Variants in MVB12B observed in about 807,000 individuals in gnomAD.
MVB12B encodes the protein ESCRT-I complex subunit MVB12B.
A neutral mutation model predicts 41.6 loss-of-function variants in MVB12B; 16 were observed. The observed-to-expected ratio is 0.38, with a 90% CI of 0.26 to 0.58. MVB12B has a LOEUF of 0.58. Among genes scored for constraint, MVB12B ranks in the 20% least tolerant of loss-of-function variants. MVB12B has a pLI of 0.62. For missense variants in MVB12B, 274 were observed against 380.2 expected (o/e 0.72, Z 2.32); for synonymous variants, 133 against 139.7 (o/e 0.95, Z 0.34).
chr9:126,356,818 C>T (rs1829893362), intron 2 of MVB12B, among the ~76,000 whole-genome samples: 1 of 152,000 alleles, frequency 6.6e-6, no homozygotes, highest in Admixed American at 6.6e-5. Context: ...TCTCTCACTG[C>T]TGCTCCTGCT....
Position 126,468,858 on chromosome 9 carries a change from T to C in MVB12B, c.758-12511T>C, listed in dbSNP as rs1218000692. 6.6e-6 allele frequency among the ~76,000 whole-genome samples: 1 copy of C among 152,246 alleles called. No individual in the cohort carries two copies. Among genetic ancestry groups the C allele is most frequent in the Non-Finnish European group, 1.5e-5 (1 of 68,054 alleles). ...ATCAGGACTCCTGGCAGGCTGGTTC[T>C]TGGTTGTCTCTGGACCCTACTTCTA... is the stretch of plus-strand genomic sequence containing the variant. On this transcript the variant is annotated intron_variant, in intron 7 of 9. Transcript: ENST00000361171. The surrounding 1 kb of genome is among the most constrained non-coding windows in gnomAD (Gnocchi z 4.3).
At chr9:126,420,496 G>A (rs1047671089) in intron 6 of MVB12B, among the ~76,000 whole-genome samples, 1 of 150,724 alleles carries the variant, frequency 6.6e-6, no homozygotes, top group Non-Finnish European at 1.5e-5. Context: ...GGCTCCTTCC[G>A]GTTCCAGCTC....
At chr9:126,441,678 C>A (rs537298467) in intron 7 of MVB12B, among the ~76,000 whole-genome samples, 1 of 152,052 alleles carries the variant, frequency 6.6e-6, no homozygotes, top group African/African-American at 2.4e-5. Context: ...TGAGGATTAT[C>A]TTAATTACAA....
Position 126,453,187 on chromosome 9 carries a change from C to T in MVB12B, c.758-28182C>T, listed in dbSNP as rs183578894. 5.4e-4 allele frequency among the ~76,000 whole-genome samples: 82 copies of T among 152,282 alleles called. No individual in the cohort carries two copies. The East Asian group carries it at 0.011, about 21-fold the overall frequency. On this transcript the variant is annotated intron_variant, in intron 7 of 9. Transcript: ENST00000361171. ...AAAATCCCTATTTCTTCAAGTTCAG[C>T]GGGTTTTTAGTGAGCATCTATTTTT...
chr9:126,447,572 G>A (rs891527777), intron 7 of MVB12B, among the ~76,000 whole-genome samples: 1 of 151,928 alleles, frequency 6.6e-6, no homozygotes, highest in Non-Finnish European at 1.5e-5. Flanking sequence ...TTTTTCAAGT[G>A]TATTTAGTCT....
At chr9:126,477,499 A>G (rs1833444979) in intron 7 of MVB12B, among the ~76,000 whole-genome samples, 1 of 152,264 alleles carries the variant, frequency 6.6e-6, no homozygotes, top group African/African-American at 2.4e-5. Flanking sequence ...TCACAGTTCC[A>G]CATGGCTGGG....
intron 2 of MVB12B, among the ~76,000 whole-genome samples, chr9:126,380,255 C>T (rs1036299242): frequency 1.3e-5 from 2 of 152,180 alleles, no homozygotes; most frequent in African/African-American, 4.8e-5. Context: ...TAGCCTTCTT[C>T]TCCTCCTCCT....
chr9:126,461,772 CGGGGTGGGTG>C (rs1478859241), intron 7 of MVB12B, among the ~76,000 whole-genome samples: 1 of 148,594 alleles, frequency 6.7e-6, no homozygotes, highest in Non-Finnish European at 1.5e-5. Flanking sequence ...GGTGGGCTCC[CGGGGTGGGTG>C]GGCTGGTGGG....
chr9:126,371,436 A>G (rs960974197), intron 2 of MVB12B, among the ~76,000 whole-genome samples: 3 of 152,222 alleles, frequency 2.0e-5, no homozygotes, highest in African/African-American at 7.2e-5. Flanking sequence ...CCCTTCGGCC[A>G]TCAGGAGGTG....
intron 2 of MVB12B, 29 bp from the exon 3 acceptor site, chr9:126,381,035 C>CG: frequency 6.3e-7 from 1 of 1,593,612 alleles, no homozygotes; most frequent in Non-Finnish European, 8.6e-7. Flanking sequence ...GCCTTACCTG[C>CG]AATCCTTTTC....
chr9:126,478,444 C>T lies in MVB12B; in HGVS notation c.758-2925C>T, dbSNP rs1326485330. Among the ~76,000 whole-genome samples, 1 of 152,198 alleles carries T rather than the reference C, an allele frequency of 6.6e-6. No homozygotes were observed. The highest frequency in any genetic ancestry group is 1.5e-5 in the Non-Finnish European group (1 of 68,050). On this transcript the variant is annotated intron_variant, in intron 7 of 9. Coordinates refer to ENST00000361171, the MANE Select transcript of MVB12B (RefSeq NM_033446.3). This position sits in a 1 kb window ranked among gnomAD's most constrained non-coding sequence, Gnocchi z 4.2. ...CTGGGGACCTGGAATGCAGAGGTGA[C>T]TCGCACATGCACCTACAATAAGAGG...
At chr9:126,366,267 A>C (rs10819150) in intron 2 of MVB12B, among the ~76,000 whole-genome samples, 37,163 of 151,582 alleles carry the variant, frequency 0.25, 4,798 homozygotes, top group African/African-American at 0.34. Flanking sequence ...TAAATTGTCT[A>C]ACTCAGTGGC....
chr9:126,467,549 T>C lies in MVB12B; in HGVS notation c.758-13820T>C, dbSNP rs1296613269. On this transcript the variant is annotated intron_variant, in intron 7 of 9. Transcript: ENST00000361171. Reference sequence around the variant, plus strand: ...TCATCAGATTTTCACCTGCCACTTTTAGCATCCATTGATTTTTATAACTCT... The same window carrying C: ...TCATCAGATTTTCACCTGCCACTTTCAGCATCCATTGATTTTTATAACTCT... Among the ~76,000 whole-genome samples the C allele has an allele frequency of 2.0e-5, 3 of 152,380 alleles. No homozygotes were observed. The East Asian group carries it at 5.8e-4, about 29-fold the overall frequency.
chr9:126,481,803 G>C (rs1214617621), intron 8 of MVB12B, among the ~76,000 whole-genome samples: 1 of 152,246 alleles, frequency 6.6e-6, no homozygotes, highest in East Asian at 1.9e-4. Context: ...CCCTGGTTGT[G>C]AATGTTCTTT....
intron 6 of MVB12B, among the ~76,000 whole-genome samples, chr9:126,405,553 C>T (rs1418123271): frequency 6.6e-6 from 1 of 152,020 alleles, no homozygotes; most frequent in Non-Finnish European, 1.5e-5. Context: ...CAGTGTAAAT[C>T]TAGCTGCCAA....
chr9:126,395,935 A>G lies in MVB12B; in HGVS notation c.662+238A>G. 1 of 1,322,106 alleles carries G rather than the reference A, an allele frequency of 7.6e-7. No homozygotes were observed. The highest frequency in any genetic ancestry group is 9.6e-7 in the Non-Finnish European group (1 of 1,037,404). The allele number at this position is 1,322,106 out of a possible 1,614,324, so 81.9% of individuals were successfully genotyped here. On this transcript the variant is annotated intron_variant, in intron 6 of 9. Coordinates refer to ENST00000361171, the MANE Select transcript of MVB12B (RefSeq NM_033446.3). This position sits in a 1 kb window ranked among gnomAD's most constrained non-coding sequence, Gnocchi z 4.9. ...GTGTTCTGCAGGCTTCTAAAATTGC[A>G]GATTATGCAACTTAAAATTGGCTCC...
At position 126,365,080 on chromosome 9, in the gene MVB12B, G is replaced by T. The variant is rs565452554; in HGVS notation, c.205-15984G>T. On this transcript the variant is annotated intron_variant, in intron 2 of 9. Transcript: ENST00000361171. ...TTTTTGGGATTTTTTTTGAGAGGGA[G>T]TCTTGCTCTGTCACCCAGGCTGGAG... is the stretch of plus-strand genomic sequence containing the variant. Among the ~76,000 whole-genome samples the T allele has an allele frequency of 1.2e-4, 18 of 150,732 alleles. No homozygotes were observed. In the South Asian group the frequency reaches 1.3e-3, roughly 11 times the overall value.
At position 126,400,650 on chromosome 9, in the gene MVB12B, T is replaced by C. The variant is rs1022398192; in HGVS notation, c.662+4953T>C. 2.2e-4 allele frequency among the ~76,000 whole-genome samples: 33 copies of C among 152,174 alleles called. No homozygotes were observed. The East Asian group carries it at 2.9e-3, about 13-fold the overall frequency. The stretch of plus-strand genomic sequence containing the variant: ...GAGCAGTGGGCCTTGGTTTCAGAGG[T>C]CCTCAAGCCGTCGTCGATGCTGCTT... On this transcript the variant is annotated intron_variant, in intron 6 of 9. Transcript: ENST00000361171.
At chr9:126,383,644 T>C (rs1028695879) in intron 3 of MVB12B, among the ~76,000 whole-genome samples, 1 of 151,680 alleles carries the variant, frequency 6.6e-6, no homozygotes, top group African/African-American at 2.4e-5. Context: ...TCAACAAGGA[T>C]TGGGAATACG....
Sources: gnomAD v4.1 joint callset for allele counts (sites outside exome capture counted in the v4.1 genomes callset) on GRCh38, gnomAD v4.1.1 for gene constraint, Gnocchi (gnomAD v3.1) non-coding constraint, MANE v1.5 for transcripts, NCBI Gene and HGNC (gene_info 2026-07-23, HGNC 2026-07-21) for gene names.